LATS1: variants seen among roughly 807,000 people sequenced by gnomAD.
LATS1 encodes large tumor suppressor kinase 1.
Under a neutral mutation model 106.6 loss-of-function variants are expected in LATS1, and 25 were observed. That is an observed-to-expected ratio of 0.23 (90% CI 0.17 to 0.33). LATS1 has a LOEUF of 0.33. Among genes scored for constraint, LATS1 ranks in the 10% least tolerant of loss-of-function variants. The probability of loss-of-function intolerance (pLI) is 1.00; values close to 1 mark genes in which losing one functional copy is unlikely to be tolerated. For synonymous variants in LATS1, 465 were observed against 455.6 expected (o/e 1.02, Z -0.26); for missense variants, 1,040 against 1,382.6 (o/e 0.75, Z 3.93).
chr6:149,711,491 C>T (rs1232735055), intron 1 of LATS1, among the ~76,000 whole-genome samples: 1 of 152,070 alleles, frequency 6.6e-6, no homozygotes, highest in African/African-American at 2.4e-5. Context: ...TTGCAGTGAG[C>T]GGAGATTGTG....
rs377158895 is a variant in LATS1, at chr6:149,661,740, C to T, written c.3382G>A (p.Val1128Ile). The T allele has an allele frequency of 4.4e-5, 69 of 1,560,758 alleles. 1 individual carries two copies. Among genetic ancestry groups the T allele is most frequent in the Non-Finnish European group, 5.4e-5 (62 of 1,156,988 alleles). ...TGSEIKNRDL[V>I]YV ...TATTTACTAGTGTGTTAAACATATA[C>T]TAGATCGCGATTTTTAATCTCTGAG... Residue 1128 changes from valine to isoleucine, a missense_variant, in exon 8 of 8, where the codon GTA (valine) becomes ATA (isoleucine). By Grantham distance (29) the Val-to-Ile change is conservative. Around this residue, in one of 7 missense-constraint regions of LATS1, gnomAD observed 46 missense variants for 42.4 expected, o/e 1.09. Coordinates refer to ENST00000543571, the MANE Select transcript of LATS1 (RefSeq NM_004690.4).
chr6:149,682,324 T>C (rs964683443), intron 4 of LATS1, among the ~76,000 whole-genome samples: 1 of 152,104 alleles, frequency 6.6e-6, no homozygotes, highest in Non-Finnish European at 1.5e-5. Flanking sequence ...TAATAAGATA[T>C]ATGTGATGAA....
chr6:149,667,785 A>T (rs919525929), intron 7 of LATS1, among the ~76,000 whole-genome samples: 4 of 152,234 alleles, frequency 2.6e-5, no homozygotes, highest in Admixed American at 1.3e-4. Context: ...AAATTATTGA[A>T]AGCAACTAGA....
chr6:149,709,487 C>T (rs545968047), intron 1 of LATS1, among the ~76,000 whole-genome samples: 1 of 152,152 alleles, frequency 6.6e-6, no homozygotes, highest in African/African-American at 2.4e-5. Context: ...TTTGCCTGAT[C>T]CAGGAGAGAA....
intron 1 of LATS1, among the ~76,000 whole-genome samples, chr6:149,710,046 C>A (rs1279128994): frequency 2.6e-5 from 4 of 152,156 alleles, no homozygotes; most frequent in Admixed American, 6.6e-5. Context: ...ACTCTTTCGA[C>A]CAACTGCCAA....
At position 149,680,389 on chromosome 6, in the gene LATS1, G is replaced by A. The variant is rs1263047043; in HGVS notation, c.2079C>T (p.Ile693=). The A allele has an allele frequency of 6.2e-7, 1 of 1,613,594 alleles. No homozygotes were observed. The highest frequency in any genetic ancestry group is 8.5e-7 in the Non-Finnish European group (1 of 1,179,914). Residue 693 remains isoleucine (I), a synonymous_variant, in exon 5 of 8, where the codon ATC becomes ATT. Coordinates refer to ENST00000543571, the MANE Select transcript of LATS1 (RefSeq NM_004690.4). Reference sequence around the variant, plus strand: ...TGTCCATTTTAGCCCTTTTAAGACGGATGTAATTAGATTCTTTTTGGCAAA... The same window carrying A: ...TGTCCATTTTAGCCCTTTTAAGACGAATGTAATTAGATTCTTTTTGGCAAA... ...KMLCQKESNY[I]RLKRAKMDKS... is the part of the protein sequence containing the mutation.
Position 149,684,367 on chromosome 6 carries a change from TGAG to T in LATS1, c.719_721del (p.Pro240del). 1 of 1,613,474 alleles carries T rather than the reference TGAG, an allele frequency of 6.2e-7. No homozygotes were observed. Among genetic ancestry groups the T allele is most frequent in the Non-Finnish European group, 8.5e-7 (1 of 1,179,616 alleles). ...TGGTGGAGGAGTAACACTCCTTACT[TGAG>T]GTGGTGGTGGGGGGTTCACTCTCTG... On this transcript the variant is annotated inframe_deletion, in exon 4 of 8. Transcript: ENST00000543571.
chr6:149,682,576 T>C (rs1388743238), intron 4 of LATS1, among the ~76,000 whole-genome samples: 1 of 151,930 alleles, frequency 6.6e-6, no homozygotes, highest in East Asian at 1.9e-4. Context: ...CATGCCCAGC[T>C]AATTTTTTTT....
intron 7 of LATS1, chr6:149,676,007 C>CT: frequency 1.2e-5 from 5 of 400,564 alleles, no homozygotes; most frequent in Non-Finnish European, 2.3e-5. Context: ...CATTCTTTTC[C>CT]TTTTTTAAAT....
intron 1 of LATS1, among the ~76,000 whole-genome samples, chr6:149,705,888 A>G (rs1343328351): frequency 6.6e-6 from 1 of 152,114 alleles, no homozygotes; most frequent in African/African-American, 2.4e-5. Context: ...ATGGCCTCTC[A>G]AAAGATATTC....
At position 149,660,994 on chromosome 6, in the gene LATS1, G is replaced by A. The variant is rs1780861211; in HGVS notation, c.*735C>T. On this transcript the variant is annotated 3_prime_UTR_variant, in exon 8 of 8. Transcript: ENST00000543571. ...TTGTTCCCTTTTAAAATTGGAAGCA[G>A]CATCAAAAATACCAATATGGAAAAA... 4.7e-6 allele frequency: 1 copy of A among 213,070 alleles called. No individual in the cohort carries two copies. Among genetic ancestry groups the A allele is most frequent in the Non-Finnish European group, 9.5e-6 (1 of 105,732 alleles). 13.2% of individuals were successfully genotyped at this position (213,070 alleles called of 1,614,324 possible). A position where few individuals can be genotyped will look rare whatever the true frequency, so the allele number is the denominator to read the frequency against.
At chr6:149,671,134 G>T (rs1781427576) in intron 7 of LATS1, among the ~76,000 whole-genome samples, 1 of 151,654 alleles carries the variant, frequency 6.6e-6, no homozygotes, top group Non-Finnish European at 1.5e-5. Context: ...TTGTTTGTTT[G>T]TTTGTTTGTT....
rs201339345 is a variant in LATS1 at position 149,702,091 on chromosome 6, T to C, written c.36A>G (p.Gln12=). 32 of 1,613,666 alleles carry C rather than the reference T, an allele frequency of 2.0e-5. No individual in the cohort carries two copies. Among genetic ancestry groups the C allele is most frequent in the Admixed American group, 1.8e-4 (11 of 59,940 alleles). ...TGGCAGGAAAGGTCTTAGGCCTCAT[T>C]TGTCTATATCCTTCTGGCTTTTCAC... ...KRSEKPEGYR[Q]MRPKTFPASN... is the part of the protein sequence containing the mutation. Residue 12 remains glutamine, a synonymous_variant, in exon 2 of 8, where the codon CAA becomes CAG. Coordinates refer to ENST00000543571, the MANE Select transcript of LATS1 (RefSeq NM_004690.4).
intron 4 of LATS1, among the ~76,000 whole-genome samples, chr6:149,682,347 CTCCAA>C (rs1782086765): frequency 6.6e-6 from 1 of 151,764 alleles, no homozygotes. Flanking sequence ...AACCTATAAA[CTCCAA>C]ATTTTCTAAA....
chr6:149,689,643 T>C (rs938495264), intron 3 of LATS1, among the ~76,000 whole-genome samples: 1 of 152,186 alleles, frequency 6.6e-6, no homozygotes, highest in Non-Finnish European at 1.5e-5. Context: ...TCTCCACTAT[T>C]GCCAGTCCTC....
rs537856998 is a variant in LATS1 at position 149,707,441 on chromosome 6, G to A, written c.-140-5175C>T. 4.7e-4 allele frequency among the ~76,000 whole-genome samples: 71 copies of A among 152,240 alleles called. 1 individual carries two copies. In the South Asian group the frequency reaches 0.014, roughly 30 times the overall value. ...GGATCACTTGAGGCAAGGAATTCAA[G>A]ACAAGAAGAGAATGTATTGTTGCCC... On this transcript the variant is annotated intron_variant, in intron 1 of 7. Coordinates refer to ENST00000543571, the MANE Select transcript of LATS1 (RefSeq NM_004690.4).
rs569031985 is a variant in LATS1, at chr6:149,717,801, A to C, written c.-141+48T>G. The C allele has an allele frequency of 1.2e-3, 344 of 276,218 alleles. 1 individual carries two copies. The highest frequency in any genetic ancestry group is 2.1e-3 in the Non-Finnish European group (300 of 140,504). 17.1% of individuals were successfully genotyped at this position (276,218 alleles called of 1,614,324 possible). A position where few individuals can be genotyped will look rare whatever the true frequency, so the allele number is the denominator to read the frequency against. ...GGGCCCCGGCGGCCACCGCCCCGCC[A>C]ACTCGAGCACTGGAGGAGCGCACCC... On this transcript the variant is annotated intron_variant, in intron 1 of 7. Coordinates refer to ENST00000543571, the MANE Select transcript of LATS1 (RefSeq NM_004690.4).
At chr6:149,695,381 C>T (rs892697311) in intron 2 of LATS1, among the ~76,000 whole-genome samples, 160 bp from the exon 3 acceptor site, 1 of 152,060 alleles carries the variant, frequency 6.6e-6, no homozygotes, top group East Asian at 1.9e-4. Flanking sequence ...CTAAAAACCC[C>T]GCACAAAATC....
rs895867427 is a variant in LATS1 at position 149,661,524 on chromosome 6, C to T, written c.*205G>A. 16 of 449,458 alleles carry T rather than the reference C, an allele frequency of 3.6e-5. No individual in the cohort carries two copies. The highest frequency in any genetic ancestry group is 3.2e-4 in the African/African-American group (16 of 49,468). The allele number at this position is 449,458 out of a possible 1,614,324, so 27.8% of individuals were successfully genotyped here. On this transcript the variant is annotated 3_prime_UTR_variant, in exon 8 of 8. Transcript: ENST00000543571. ...AGTTCATAATTTACTTTCCTTATAA[C>T]AATTTTTTTCTAAATACTGATTTAA...
Sources: allele counts gnomAD v4.1 joint callset (sites outside exome capture counted in the v4.1 genomes callset), GRCh38; gene constraint gnomAD v4.1.1; regional missense constraint gnomAD v4.1.1; transcripts MANE v1.5; gene names NCBI Gene and HGNC (gene_info 2026-07-23, HGNC 2026-07-21).